Variants in MED13 observed in about 807,000 individuals in gnomAD.
MED13 encodes the protein mediator complex subunit 13.
MED13 carries 23 observed loss-of-function variants against 225.2 expected under a neutral mutation model. That is an observed-to-expected ratio of 0.10 (90% confidence interval 0.07 to 0.14). The LOEUF is 0.14. Ranked by LOEUF, MED13 falls within the 10% of genes least tolerant of loss-of-function variation. The pLI is 1.00. For synonymous variants in MED13, 942 were observed against 889.2 expected, an observed-to-expected ratio of 1.06 and a Z score of -1.06; for missense variants, 2,197 against 2,594.5, an observed-to-expected ratio of 0.85 and a Z score of 3.33.
At chr17:61,967,201 A>C (rs775166362) in intron 18 of MED13, among the ~76,000 whole-genome samples, 1 of 152,200 alleles carries the variant, frequency 6.6e-6, no homozygotes, top group Non-Finnish European at 1.5e-5. Context: ...TCTTTACTGT[A>C]AGAATTTCAA....
intron 8 of MED13, among the ~76,000 whole-genome samples, chr17:62,026,589 G>A (rs1416412164): frequency 6.6e-6 from 1 of 151,352 alleles, no homozygotes; most frequent in Non-Finnish European, 1.5e-5. Flanking sequence ...GTCCTGGCCA[G>A]AAGAATCAGG....
chr17:62,013,138 A>G (rs935618616), intron 8 of MED13, among the ~76,000 whole-genome samples: 9 of 151,950 alleles, frequency 5.9e-5, no homozygotes, highest in Non-Finnish European at 4.4e-5. Context: ...GTGCATAGAG[A>G]AAAAAAAGAA....
chr17:62,010,183 T>A (rs1169351467), intron 9 of MED13, among the ~76,000 whole-genome samples: 1 of 149,256 alleles, frequency 6.7e-6, no homozygotes, highest in Non-Finnish European at 1.5e-5. Context: ...ATCGTGCCTC[T>A]ACACTCTAGC....
intron 11 of MED13, among the ~76,000 whole-genome samples, chr17:61,991,972 T>C (rs752034985): frequency 6.6e-6 from 1 of 152,208 alleles, no homozygotes; most frequent in Non-Finnish European, 1.5e-5. Context: ...ATTTAAACAA[T>C]GGAGACAGGT....
At chr17:62,059,591 TG>T (rs1278910706) in intron 2 of MED13, among the ~76,000 whole-genome samples, 1 of 152,178 alleles carries the variant, frequency 6.6e-6, no homozygotes, top group Non-Finnish European at 1.5e-5. Context: ...CAGCAGCTGA[TG>T]CTACCCTGTA....
intron 9 of MED13, chr17:62,005,855 G>C (rs1474139014): frequency 6.6e-6 from 1 of 152,196 alleles, no homozygotes; most frequent in Non-Finnish European, 1.5e-5. Flanking sequence ...TGGTTCACCA[G>C]TCGTCAGGCA....
intron 18 of MED13, 84 bp from the exon 19 acceptor site, chr17:61,966,735 C>T (rs892906729): frequency 2.2e-6 from 2 of 910,292 alleles, no homozygotes; most frequent in Non-Finnish European, 3.1e-6. Flanking sequence ...ATGAAAGCTA[C>T]TTAAAATAAG....
intron 3 of MED13, among the ~76,000 whole-genome samples, chr17:62,043,487 G>A (rs1603408138): frequency 6.6e-6 from 1 of 152,084 alleles, no homozygotes; most frequent in Non-Finnish European, 1.5e-5. Flanking sequence ...CTGATACAAG[G>A]TACGGGATTC....
At chr17:61,999,184 C>G (rs922673883) in intron 9 of MED13, among the ~76,000 whole-genome samples, 1 of 152,084 alleles carries the variant, frequency 6.6e-6, no homozygotes, top group Non-Finnish European at 1.5e-5. Flanking sequence ...ACATACAAAT[C>G]TGGTATACCA....
intron 2 of MED13, among the ~76,000 whole-genome samples, chr17:62,056,359 G>T (rs1203438834): frequency 6.6e-6 from 1 of 152,124 alleles, no homozygotes; most frequent in Non-Finnish European, 1.5e-5. Flanking sequence ...CTCAACACCA[G>T]CATTATAATA....
intron 23 of MED13, among the ~76,000 whole-genome samples, chr17:61,957,297 C>T (rs991372555): frequency 6.6e-6 from 1 of 151,702 alleles, no homozygotes; most frequent in Non-Finnish European, 1.5e-5. Flanking sequence ...CCTGTCTCAG[C>T]ATCCCAAAGT....
At chr17:61,961,541 A>T (rs1476384277) in intron 22 of MED13, 47 bp downstream of exon 22, 27 of 1,191,098 alleles carry the variant, frequency 2.3e-5, no homozygotes, top group Non-Finnish European at 2.9e-5. Context: ...AAAAAAAAAA[A>T]GGTATGTATA....
chr17:61,999,449 T>C (rs2080375122), intron 9 of MED13, among the ~76,000 whole-genome samples: 1 of 152,196 alleles, frequency 6.6e-6, no homozygotes, highest in Non-Finnish European at 1.5e-5. Flanking sequence ...TTAAAATCTA[T>C]ATGGTTCTTA....
At chr17:62,009,147 G>A (rs11079460) in intron 9 of MED13, among the ~76,000 whole-genome samples, 2 of 151,978 alleles carry the variant, frequency 1.3e-5, no homozygotes. Context: ...TGAGCATAAT[G>A]GTATTTTACT....
rs1230248036 is a variant in MED13, at chr17:62,015,915, C to CACACATATATATAT, written c.1284-4683_1284-4682insATATATATATGTGT. On this transcript the variant is annotated intron_variant, in intron 8 of 29. Coordinates refer to ENST00000397786, the MANE Select transcript of MED13 (RefSeq NM_005121.3). ...CACACACACACATACACACTATACA[C>CACACATATATATAT]ATATATATATATATATATATATATA... Among the ~76,000 whole-genome samples, 9 of 8,608 alleles carry CACACATATATATAT rather than the reference C, an allele frequency of 1.0e-3. 1 individual carries two copies. Among genetic ancestry groups the CACACATATATATAT allele is most frequent in the South Asian group, 0.013 (2 of 152 alleles). The allele number at this position is 8,608 out of a possible 152,430, so 5.6% of individuals were successfully genotyped here.
intron 3 of MED13, among the ~76,000 whole-genome samples, chr17:62,039,574 G>A (rs911662266): frequency 8.2e-5 from 12 of 145,708 alleles, no homozygotes; most frequent in South Asian, 4.4e-4. Flanking sequence ...ATGAACCACC[G>A]CACCCAGCCA....
intron 1 of MED13, 29 bp downstream of exon 1, chr17:62,065,111 C>T (rs756467332): frequency 6.6e-7 from 1 of 1,524,836 alleles, no homozygotes; most frequent in South Asian, 1.2e-5. Context: ...GGCCCCCCTC[C>T]CTCGGCGCCC....
At chr17:62,062,964 A>G in intron 2 of MED13, 103 bp downstream of exon 2, 5 of 777,604 alleles carry the variant, frequency 6.4e-6, no homozygotes, top group Non-Finnish European at 1.0e-5. Flanking sequence ...CTGGCCTCCT[A>G]AGTCTCCCAC....
chr17:62,038,443 AT>A, intron 3 of MED13, among the ~76,000 whole-genome samples: 1 of 152,152 alleles, frequency 6.6e-6, no homozygotes, highest in East Asian at 1.9e-4. Flanking sequence ...AATTTTAAAA[AT>A]TATTTTAAAA....
Sources: allele counts gnomAD v4.1 joint callset (sites outside exome capture counted in the v4.1 genomes callset), GRCh38; gene constraint gnomAD v4.1.1; transcripts MANE v1.5; gene names NCBI Gene and HGNC (gene_info 2026-07-23, HGNC 2026-07-21).